The following DOCK8 variants were observed in gnomAD, a reference collection of about 807,000 sequenced individuals.
DOCK8 encodes dedicator of cytokinesis 8, also known as dedicator of cytokinesis protein 8.
A neutral mutation model predicts 245.6 loss-of-function variants in DOCK8; 141 were observed. The ratio of observed to expected loss-of-function variants is 0.57; its 90% CI spans 0.50 to 0.66. The LOEUF (loss-of-function observed/expected upper bound fraction) is 0.66. DOCK8 is among the 30% of genes least tolerant of loss of function. The pLI is 0.00. For synonymous variants in DOCK8, 1,168 were observed against 970.2 expected (o/e 1.20, Z -3.79); for missense variants, 2,965 against 2,603.4 (o/e 1.14, Z -3.02).
chr9:400,199 TCACCAC>T (rs1232598995), intron 26 of DOCK8, among the ~76,000 whole-genome samples: 7 of 34,670 alleles, frequency 2.0e-4, no homozygotes, highest in Non-Finnish European at 3.6e-4. Context: ...ACCATCACCA[TCACCAC>T]CACCTCCACT....
chr9:377,121 C>G lies in DOCK8; in HGVS notation c.2350C>G (p.Arg784Gly), dbSNP rs1251716138. The G allele has an allele frequency of 6.2e-7, 1 of 1,610,264 alleles. No individual in the cohort carries two copies. The highest frequency in any genetic ancestry group is 1.7e-5 in the Admixed American group (1 of 60,010). ...CAGCATCATCTGCCTGAACTCCTCCCGCCTGGAGCCGCTCGTGCTCTTCCT... is the reference window on the plus strand; with the variant it reads ...CAGCATCATCTGCCTGAACTCCTCCGGCCTGGAGCCGCTCGTGCTCTTCCT... ...KLSIICLNSS[R>G]LEPLVLFLHL... The change falls in exon 20 of 48, where the codon CGC becomes GGC. Residue 784 changes from arginine to glycine, a missense_variant. By Grantham distance (125) the Arg-to-Gly change is moderately radical. Around this residue, in one of 3 missense-constraint regions of DOCK8, gnomAD observed 2,825 missense variants for 2,453.5 expected, o/e 1.15. Coordinates refer to ENST00000432829, the MANE Select transcript of DOCK8 (RefSeq NM_203447.4).
rs1176106056 is a variant in DOCK8, at chr9:214,958, A to G, written c.-19A>G. 1.2e-6 allele frequency: 2 copies of G among 1,602,746 alleles called. No individual in the cohort carries two copies. The highest frequency in any genetic ancestry group is 1.7e-6 in the Non-Finnish European group (2 of 1,176,730). On this transcript the variant is annotated 5_prime_UTR_variant, in exon 1 of 48. Coordinates refer to ENST00000432829, the MANE Select transcript of DOCK8 (RefSeq NM_203447.4). Reference sequence around the variant, plus strand: ...TCCGCACCCCGCGACCCTAGAAGCCACCGAACCGCCGGCGGGCCATGGCCA... The same window carrying G: ...TCCGCACCCCGCGACCCTAGAAGCCGCCGAACCGCCGGCGGGCCATGGCCA...
At chr9:249,875 G>A (rs574414560) in intron 1 of DOCK8, among the ~76,000 whole-genome samples, 4 of 151,180 alleles carry the variant, frequency 2.6e-5, no homozygotes, top group South Asian at 2.1e-4. Flanking sequence ...CGACGCCCCC[G>A]CCTCGGCATC....
intron 26 of DOCK8, among the ~76,000 whole-genome samples, chr9:400,415 C>G (rs1489745276): frequency 1.4e-5 from 1 of 71,738 alleles, no homozygotes. Flanking sequence ...ATCACCACCA[C>G]CACCTCCACC....
intron 4 of DOCK8, among the ~76,000 whole-genome samples, chr9:294,608 A>T (rs1304162128): frequency 6.6e-6 from 1 of 152,040 alleles, no homozygotes; most frequent in African/African-American, 2.4e-5. Context: ...CGTAAGTCCC[A>T]CTCTTGAGTA....
rs372165442 is a variant in DOCK8, at chr9:307,445, G to C, written c.528+2741G>C. Among the ~76,000 whole-genome samples the C allele has an allele frequency of 1.7e-4, 23 of 134,854 alleles. No homozygotes were observed. The East Asian group carries it at 5.1e-3, about 30-fold the overall frequency. 88.5% of individuals were successfully genotyped at this position (134,854 alleles called of 152,430 possible). ...ATGATCTCGGCTCACTACAACCTCC[G>C]CCTCCCAAGTTCAAGCGATTCTTCT... is the stretch of plus-strand genomic sequence containing the variant. On this transcript the variant is annotated intron_variant, in intron 5 of 47. Transcript: ENST00000432829.
intron 1 of DOCK8, among the ~76,000 whole-genome samples, chr9:252,905 T>C (rs1361519509): frequency 1.3e-5 from 2 of 152,192 alleles, no homozygotes; most frequent in Non-Finnish European, 2.9e-5. Flanking sequence ...ATTATTGTCC[T>C]AATCTAAGAA....
At chr9:235,158 T>C (rs1232266495) in intron 1 of DOCK8, among the ~76,000 whole-genome samples, 2 of 152,136 alleles carry the variant, frequency 1.3e-5, no homozygotes, top group Admixed American at 1.3e-4. Context: ...TTGCTAGAGG[T>C]CCACTCCAGA....
chr9:226,013 G>GA (rs963410947), intron 1 of DOCK8, among the ~76,000 whole-genome samples: 1 of 152,130 alleles, frequency 6.6e-6, no homozygotes, highest in South Asian at 2.1e-4. Flanking sequence ...AAAGGCAATG[G>GA]AAAAAATTTA....
chr9:425,849 G>A (rs549495311), intron 33 of DOCK8, among the ~76,000 whole-genome samples: 99 of 152,102 alleles, frequency 6.5e-4, no homozygotes, highest in African/African-American at 2.4e-3. Context: ...AGTGGCTTGG[G>A]ACCAGAGAGC....
At position 432,140 on chromosome 9, in the gene DOCK8, CTTT is replaced by C. The variant is rs34439675; in HGVS notation, c.4627-14_4627-12del. ...GCTAAGTGTGTCTTATTTACTTCATCTTTTTTTTTTTTTTCACTGATGCAGAAT... is the reference window on the plus strand; with the variant it reads ...GCTAAGTGTGTCTTATTTACTTCATCTTTTTTTTTTTCACTGATGCAGAAT... On this transcript the variant is annotated intron_variant, in intron 36 of 47. Coordinates refer to ENST00000432829, the MANE Select transcript of DOCK8 (RefSeq NM_203447.4). 0.059 allele frequency: 72,088 copies of C among 1,229,614 alleles called. No homozygotes were observed. The highest frequency in any genetic ancestry group is 0.16 in the East Asian group (4,277 of 27,436). The allele number at this position is 1,229,614 out of a possible 1,614,324, so 76.2% of individuals were successfully genotyped here.
intron 14 of DOCK8, among the ~76,000 whole-genome samples, chr9:353,850 T>A (rs2052294164): frequency 6.6e-6 from 1 of 152,218 alleles, no homozygotes; most frequent in African/African-American, 2.4e-5. Context: ...AGGGTGTTTG[T>A]ACTAGGTACT....
At chr9:391,970 C>T (rs2054211307) in intron 24 of DOCK8, among the ~76,000 whole-genome samples, 1 of 151,292 alleles carries the variant, frequency 6.6e-6, no homozygotes, top group Non-Finnish European at 1.5e-5. Flanking sequence ...AAAACCCATC[C>T]CTACTAAAAA....
intron 28 of DOCK8, among the ~76,000 whole-genome samples, chr9:407,839 A>G (rs978547757): frequency 1.3e-4 from 20 of 152,234 alleles, no homozygotes; most frequent in Admixed American, 6.5e-4. Context: ...CACAAAACAG[A>G]CAAAATTCGC....
intron 28 of DOCK8, among the ~76,000 whole-genome samples, chr9:414,303 A>G (rs1297769092): frequency 6.6e-6 from 1 of 152,262 alleles, no homozygotes; most frequent in Admixed American, 6.5e-5. Context: ...CAGTTGATGA[A>G]TGGATAAAAT....
chr9:301,373 A>C (rs2049537394), intron 4 of DOCK8, among the ~76,000 whole-genome samples: 1 of 152,208 alleles, frequency 6.6e-6, no homozygotes. Context: ...TTATTCAACT[A>C]TCCACAGCCA....
At chr9:270,661 C>A (rs1378460879) in intron 1 of DOCK8, among the ~76,000 whole-genome samples, 3 of 152,204 alleles carry the variant, frequency 2.0e-5, no homozygotes, top group Non-Finnish European at 4.4e-5. Flanking sequence ...TTAAGTATTA[C>A]ATCTAAAGTT....
At chr9:361,957 T>C (rs1249514025) in intron 14 of DOCK8, among the ~76,000 whole-genome samples, 1 of 152,188 alleles carries the variant, frequency 6.6e-6, no homozygotes, top group African/African-American at 2.4e-5. Context: ...GTATTGGCCA[T>C]TTCACTCATC....
chr9:327,365 T>C (rs10491693), intron 8 of DOCK8, among the ~76,000 whole-genome samples: 57,693 of 151,382 alleles, frequency 0.38, 11,720 homozygotes, highest in East Asian at 0.7. Flanking sequence ...TTACTGTAGT[T>C]AGTTACATGT....
Sources: gnomAD v4.1 joint callset for allele counts (sites outside exome capture counted in the v4.1 genomes callset) on GRCh38, gnomAD v4.1.1 for gene constraint, gnomAD v4.1.1 regional missense constraint, MANE v1.5 for transcripts, NCBI Gene and HGNC (gene_info 2026-07-23, HGNC 2026-07-21) for gene names.